The following CCDC102B variants were observed in gnomAD, a reference collection of about 807,000 sequenced individuals.
The protein encoded by CCDC102B is coiled-coil domain-containing protein 102B.
A neutral mutation model predicts 57.4 loss-of-function variants in CCDC102B; 75 were observed. The observed-to-expected ratio is 1.31, with a 90% confidence interval of 1.08 to 1.58. The LOEUF is 1.58. Ranked by LOEUF, CCDC102B falls within the 40% of genes most tolerant of loss-of-function variation. CCDC102B has a pLI of 0.00. For synonymous variants in CCDC102B, 206 were observed against 201.9 expected (o/e 1.02, Z -0.17); for missense variants, 636 against 582.6 (o/e 1.09, Z -0.94).
intron 1 of CCDC102B, chr18:68,715,416 A>C: frequency 4.2e-6 from 1 of 239,086 alleles, no homozygotes; most frequent in Non-Finnish European, 7.3e-6. Flanking sequence ...TTTACTTGTT[A>C]CTCCCGTGTG....
intron 6 of CCDC102B, chr18:68,900,170 T>A (rs1176721128): frequency 2.0e-5 from 3 of 152,130 alleles, no homozygotes; most frequent in Non-Finnish European, 4.4e-5. Flanking sequence ...GGCATCAGCA[T>A]AATTGACAAA....
intron 6 of CCDC102B, among the ~76,000 whole-genome samples, chr18:68,911,901 A>AG (rs1376150042): frequency 1.3e-5 from 2 of 151,544 alleles, no homozygotes; most frequent in African/African-American, 4.9e-5. Flanking sequence ...AAAAAGTAAA[A>AG]AAAAAGTTAG....
chr18:68,985,925 T>C (rs1002944022), intron 6 of CCDC102B, among the ~76,000 whole-genome samples: 2 of 152,182 alleles, frequency 1.3e-5, no homozygotes, highest in Non-Finnish European at 2.9e-5. Flanking sequence ...GATGAAATTG[T>C]AATCACTAGT....
At chr18:68,752,511 G>C (rs1340999839) in intron 2 of CCDC102B, among the ~76,000 whole-genome samples, 1 of 150,134 alleles carries the variant, frequency 6.7e-6, no homozygotes, top group Non-Finnish European at 1.5e-5. Context: ...AACCAACATA[G>C]GAAATATGGA....
At chr18:68,946,674 G>A (rs1813338394) in intron 6 of CCDC102B, among the ~76,000 whole-genome samples, 1 of 151,976 alleles carries the variant, frequency 6.6e-6, no homozygotes, top group African/African-American at 2.4e-5. Context: ...TATGTTTTGG[G>A]TATCATGGTG....
At chr18:68,903,283 C>T (rs1216121998) in intron 6 of CCDC102B, among the ~76,000 whole-genome samples, 1 of 152,126 alleles carries the variant, frequency 6.6e-6, no homozygotes, top group Middle Eastern at 3.2e-3. Context: ...CTCTTACACT[C>T]CCTTTCCTCC....
chr18:68,792,949 G>A (rs1353675302), intron 2 of CCDC102B, among the ~76,000 whole-genome samples: 1 of 152,130 alleles, frequency 6.6e-6, no homozygotes, highest in African/African-American at 2.4e-5. Context: ...AAAATAGCAG[G>A]AGGGAAGAAA....
chr18:68,992,416 C>T (rs985969142), intron 6 of CCDC102B, among the ~76,000 whole-genome samples: 8 of 152,154 alleles, frequency 5.3e-5, no homozygotes, highest in African/African-American at 1.9e-4. Context: ...CCATTCCTGC[C>T]TCCTCCATTT....
chr18:68,784,320 G>A (rs763388010), intron 2 of CCDC102B, among the ~76,000 whole-genome samples: 1 of 152,000 alleles, frequency 6.6e-6, no homozygotes, highest in Non-Finnish European at 1.5e-5. Flanking sequence ...GAGAGAGAGG[G>A]AAGTGACACA....
chr18:68,870,113 C>T (rs2039176705), intron 4 of CCDC102B, among the ~76,000 whole-genome samples: 1 of 152,114 alleles, frequency 6.6e-6, no homozygotes, highest in African/African-American at 2.4e-5. Flanking sequence ...CCAAACACCG[C>T]TTGTTCTCAC....
At chr18:68,989,024 CAT>C (rs1389822096) in intron 6 of CCDC102B, among the ~76,000 whole-genome samples, 1 of 152,160 alleles carries the variant, frequency 6.6e-6, no homozygotes, top group Non-Finnish European at 1.5e-5. Flanking sequence ...TACCTCCTCT[CAT>C]ATCTCTCATA....
chr18:69,009,506 T>C (rs1361480315), intron 6 of CCDC102B, among the ~76,000 whole-genome samples: 1 of 151,316 alleles, frequency 6.6e-6, no homozygotes, highest in Non-Finnish European at 1.5e-5. Flanking sequence ...ATACTGAATA[T>C]ATTTTTTTGT....
chr18:68,744,412 C>T (rs148397269), intron 2 of CCDC102B, among the ~76,000 whole-genome samples: 17 of 152,206 alleles, frequency 1.1e-4, no homozygotes, highest in South Asian at 2.1e-4. Flanking sequence ...TGTCTTTTAT[C>T]TTGAATCTGG....
chr18:68,791,107 T>C (rs1326888099), intron 2 of CCDC102B, among the ~76,000 whole-genome samples: 2 of 152,222 alleles, frequency 1.3e-5, no homozygotes, highest in Admixed American at 6.5e-5. Flanking sequence ...GCCAAGAATA[T>C]TTATTAACAT....
At chr18:68,894,858 A>T (rs991426348) in intron 5 of CCDC102B, among the ~76,000 whole-genome samples, 4 of 151,912 alleles carry the variant, frequency 2.6e-5, no homozygotes, top group African/African-American at 9.7e-5. Flanking sequence ...AAATTTATTC[A>T]TTCAGACCAT....
At chr18:68,773,886 C>T (rs1341548962) in intron 2 of CCDC102B, among the ~76,000 whole-genome samples, 1 of 151,966 alleles carries the variant, frequency 6.6e-6, no homozygotes, top group African/African-American at 2.4e-5. Flanking sequence ...TTAACTCAGT[C>T]ACACATTTTA....
At chr18:68,805,632 A>G (rs2036006797) in intron 1 of CCDC102B, among the ~76,000 whole-genome samples, 1 of 152,204 alleles carries the variant, frequency 6.6e-6, no homozygotes, top group South Asian at 2.1e-4. Flanking sequence ...TATGGGGACA[A>G]TAGTAAAGGG....
intron 4 of CCDC102B, among the ~76,000 whole-genome samples, chr18:68,855,846 A>G (rs1201646365): frequency 6.6e-6 from 1 of 152,126 alleles, no homozygotes; most frequent in Admixed American, 6.5e-5. Context: ...TTAAAAATAA[A>G]TTAAATGGTG....
At chr18:69,025,707 G>T (rs914321825) in intron 7 of CCDC102B, among the ~76,000 whole-genome samples, 1 of 152,124 alleles carries the variant, frequency 6.6e-6, no homozygotes, top group South Asian at 2.1e-4. Flanking sequence ...TCATTACTTG[G>T]TAACAGCACA....
Sources: gnomAD v4.1 joint callset for allele counts (sites outside exome capture counted in the v4.1 genomes callset) on GRCh38, gnomAD v4.1.1 for gene constraint, MANE v1.5 for transcripts, NCBI Gene and HGNC (gene_info 2026-07-23, HGNC 2026-07-21) for gene names.